BRCA2: variants seen among roughly 807,000 people sequenced by gnomAD.
The protein encoded by BRCA2 is BRCA2 DNA repair associated.
A neutral mutation model predicts 276.7 loss-of-function variants in BRCA2; 203 were observed. The ratio of observed to expected loss-of-function variants is 0.73; its 90% CI spans 0.65 to 0.82. The LOEUF is 0.82. BRCA2 is among the 40% of genes least tolerant of loss of function. The pLI is 0.00. For synonymous variants in BRCA2, 1,289 were observed against 1,338.4 expected (o/e 0.96, Z 0.81); for missense variants, 3,920 against 3,915.0 (o/e 1.00, Z -0.03).
At chr13:32,358,229 A>C (rs950584396) in intron 16 of BRCA2, among the ~76,000 whole-genome samples, 5 of 152,148 alleles carry the variant, frequency 3.3e-5, no homozygotes, top group African/African-American at 4.8e-5. Flanking sequence ...TAATCCCAGC[A>C]CTTTGGGAGG....
chr13:32,333,205 A>G lies in BRCA2; in HGVS notation c.1727A>G (p.Asn576Ser). Residue 576 changes from asparagine to serine, a missense_variant, in exon 10 of 27, where the codon AAT becomes AGT. Asn to Ser is a conservative substitution (Grantham distance 46). Transcript: ENST00000380152. ...TTTQNSVALK[N>S]AGLISTLKKK... ...ACACAGAATTCTGTAGCTTTGAAGA[A>G]TGCAGGTTTAATATCCACTTTGAAA... is the stretch of plus-strand genomic sequence containing the variant. 2 of 1,613,734 alleles carry G rather than the reference A, an allele frequency of 1.2e-6. No individual in the cohort carries two copies. Among genetic ancestry groups the G allele is most frequent in the Non-Finnish European group, 1.7e-6 (2 of 1,179,674 alleles).
Position 32,396,449 on chromosome 13 carries a change from A to G in BRCA2, c.9502-449A>G, listed in dbSNP as rs517118. ...GCAACAGTTTCATGTAGTTTAACCT[A>G]TAAATCATTTCAATTAATTCTTGGA... is the stretch of plus-strand genomic sequence containing the variant. On this transcript the variant is annotated intron_variant, in intron 25 of 26. Transcript: ENST00000380152. Among the ~76,000 whole-genome samples the G allele has an allele frequency of 0.22, 34,153 of 152,220 alleles. 4,310 individuals are homozygous for G. Among genetic ancestry groups the G allele is most frequent in the Middle Eastern group, 0.3 (88 of 294 alleles).
At chr13:32,318,760 C>A (rs2138702641) in intron 2 of BRCA2, among the ~76,000 whole-genome samples, 1 of 152,066 alleles carries the variant, frequency 6.6e-6, no homozygotes, top group East Asian at 1.9e-4. Flanking sequence ...GGAATGTATT[C>A]TTAATGTGAA....
rs1555281614 is a variant in BRCA2 at position 32,332,339 on chromosome 13, G to A, written c.861G>A (p.Met287Ile). ...GCAAAGACCACATTGGAAAGTCAAT[G>A]CCAAATGTCCTAGAAGATGAAGTAT... ...NSCKDHIGKS[M>I]PNVLEDEVYE... is the part of the protein sequence containing the mutation. Residue 287 changes from methionine to isoleucine, a missense_variant, in exon 10 of 27, where the codon ATG (methionine) becomes ATA (isoleucine). By Grantham distance (10) the Met-to-Ile change is conservative (BLOSUM62 1). Transcript: ENST00000380152. The A allele has an allele frequency of 6.2e-7, 1 of 1,600,122 alleles. No individual in the cohort carries two copies. The highest frequency in any genetic ancestry group is 8.5e-7 in the Non-Finnish European group (1 of 1,174,026).
chr13:32,347,224 C>T (rs2072617954), intron 13 of BRCA2, among the ~76,000 whole-genome samples: 2 of 152,128 alleles, frequency 1.3e-5, no homozygotes, highest in South Asian at 2.1e-4. Context: ...TCTCTCCTCT[C>T]TAAACCTTTA....
rs1321719737 is a variant in BRCA2, at chr13:32,371,111, T to TA, written c.8632+11_8632+12insA. On this transcript the variant is annotated intron_variant, in intron 20 of 26. Coordinates refer to ENST00000380152, the MANE Select transcript of BRCA2 (RefSeq NM_000059.4). ...TTGAAGAACATGAAGGTAAAATTAG[T>TA]TATATGGTACACATTGTTATTTCTA... 2 of 1,612,362 alleles carry TA rather than the reference T, an allele frequency of 1.2e-6. No individual in the cohort carries two copies. Among genetic ancestry groups the TA allele is most frequent in the Non-Finnish European group, 1.7e-6 (2 of 1,178,666 alleles).
chr13:32,319,365 C>G (rs2138706156), intron 3 of BRCA2, 40 bp downstream of exon 3: 1 of 1,570,976 alleles, frequency 6.4e-7, no homozygotes, highest in Non-Finnish European at 8.7e-7. Flanking sequence ...GAACTACAAA[C>G]TAGGAATTTA....
chr13:32,362,463 G>C, intron 16 of BRCA2, 60 bp from the exon 17 acceptor site: 1 of 1,492,988 alleles, frequency 6.7e-7, no homozygotes, highest in South Asian at 1.1e-5. Context: ...AGTTGTAGTT[G>C]TTGAATTCAG....
chr13:32,329,302 T>C (rs2072371482), intron 7 of BRCA2, 141 bp from the exon 8 acceptor site: 2 of 621,036 alleles, frequency 3.2e-6, no homozygotes, highest in Admixed American at 2.7e-5. Context: ...CTAATTACTA[T>C]ACTTAAGTAC....
At chr13:32,390,318 G>T (rs1227491539) in intron 24 of BRCA2, among the ~76,000 whole-genome samples, 1 of 152,060 alleles carries the variant, frequency 6.6e-6, no homozygotes, top group African/African-American at 2.4e-5. Context: ...TAGGCTGGGC[G>T]CAGTAGCTAA....
At chr13:32,378,793 T>G (rs890792537) in intron 21 of BRCA2, among the ~76,000 whole-genome samples, 8 of 152,146 alleles carry the variant, frequency 5.3e-5, no homozygotes, top group African/African-American at 1.4e-4. Flanking sequence ...TAAAAGTATG[T>G]TTAGTACATA....
intron 16 of BRCA2, 117 bp downstream of exon 16, chr13:32,358,046 ATTGTT>A: frequency 4.4e-6 from 5 of 1,138,198 alleles, no homozygotes; most frequent in African/African-American, 1.5e-5. Context: ...TATGCATTTA[ATTGTT>A]TTAAGTGCAT....
intron 11 of BRCA2, 84 bp from the exon 12 acceptor site, chr13:32,344,474 C>T (rs908933581): frequency 3.1e-5 from 27 of 860,640 alleles, no homozygotes; most frequent in Non-Finnish European, 4.6e-5. Context: ...AATACTTTAG[C>T]TTTAAAAAAA....
Position 32,344,632 on chromosome 13 carries a change from G to C in BRCA2, c.6916G>C (p.Ala2306Pro), listed in dbSNP as rs730881550. ...AGAAAATCAAGAAAAATCCTTAAAG[G>C]CTTCAAAAAGCACTCCAGATGGTAA... is the stretch of plus-strand genomic sequence containing the variant. ...IIENQEKSLK[A>P]SKSTPDGTIK... is the part of the protein sequence containing the mutation. The change falls in exon 12 of 27, where the codon GCT becomes CCT. Residue 2306 changes from alanine (A) to proline (P), a missense_variant. Coordinates refer to ENST00000380152, the MANE Select transcript of BRCA2 (RefSeq NM_000059.4). 2 of 1,574,804 alleles carry C rather than the reference G, an allele frequency of 1.3e-6. No individual in the cohort carries two copies. Among genetic ancestry groups the C allele is most frequent in the Middle Eastern group, 1.7e-4 (1 of 5,978 alleles).
chr13:32,336,691 T>G lies in BRCA2; in HGVS notation c.2336T>G (p.Leu779Arg). 1.2e-6 allele frequency: 2 copies of G among 1,613,916 alleles called. No individual in the cohort carries two copies. The highest frequency in any genetic ancestry group is 1.7e-6 in the Non-Finnish European group (2 of 1,179,844). ...TTAACTCCTACTTCCAAGGATGTTC[T>G]GTCAAACCTAGTCATGATTTCTAGA... Reference protein sequence around the residue: ...LILTPTSKDVLSNLVMISRGK... With the variant: ...LILTPTSKDVRSNLVMISRGK... Residue 779 changes from leucine (L) to arginine (R), a missense_variant, in exon 11 of 27, where the codon CTG becomes CGG. Physicochemically the swap from Leu to Arg is moderately radical, Grantham distance 102. This residue lies in a region of BRCA2 where 3,263 missense variants were observed against 3,156.9 expected (regional missense o/e 1.03). Transcript: ENST00000380152.
Position 32,356,648 on chromosome 13 carries a change from G to A in BRCA2, c.7617+39G>A, listed in dbSNP as rs190660894. The A allele has an allele frequency of 8.8e-5, 140 of 1,599,462 alleles. No homozygotes were observed. In the African/African-American group the frequency reaches 1.7e-3, roughly 20 times the overall value. ...TACAATACTGATGGCTTTTATGACAGAGTGTAATTTTATTTCATTAACTAG... is the reference window on the plus strand; with the variant it reads ...TACAATACTGATGGCTTTTATGACAAAGTGTAATTTTATTTCATTAACTAG... On this transcript the variant is annotated intron_variant, in intron 15 of 26. Transcript: ENST00000380152.
rs878853565 is a variant in BRCA2 at position 32,337,362 on chromosome 13, C to G, written c.3007C>G (p.His1003Asp). ...WAGLLGPISN[H>D]SFGGSFRTAS... The stretch of plus-strand genomic sequence containing the variant: ...AGGACTCTTAGGTCCAATTTCAAAT[C>G]ACAGTTTTGGAGGTAGCTTCAGAAC... The change falls in exon 11 of 27, where the codon CAC becomes GAC. Residue 1003 changes from histidine (H) to aspartate (D), a missense_variant. Around this residue, in one of 2 missense-constraint regions of BRCA2, gnomAD observed 3,263 missense variants for 3,156.9 expected, o/e 1.03. Coordinates refer to ENST00000380152, the MANE Select transcript of BRCA2 (RefSeq NM_000059.4). The G allele has an allele frequency of 6.2e-7, 1 of 1,613,676 alleles. No homozygotes were observed. Among genetic ancestry groups the G allele is most frequent in the East Asian group, 2.2e-5 (1 of 44,848 alleles).
chr13:32,336,889 C>T lies in BRCA2; in HGVS notation c.2534C>T (p.Pro845Leu), dbSNP rs1288748311. The change falls in exon 11 of 27, where the codon CCT becomes CTT. Residue 845 changes from proline (P) to leucine (L), a missense_variant. Around this residue, in one of 2 missense-constraint regions of BRCA2, gnomAD observed 3,263 missense variants for 3,156.9 expected, o/e 1.03. Coordinates refer to ENST00000380152, the MANE Select transcript of BRCA2 (RefSeq NM_000059.4). The part of the protein sequence containing the change: ...PPEKYMRVAS[P>L]SRKVQFNQNT... ...GAAAAATACATGAGAGTAGCATCAC[C>T]TTCAAGAAAGGTACAATTCAACCAA... 2 of 1,609,754 alleles carry T rather than the reference C, an allele frequency of 1.2e-6. No individual in the cohort carries two copies. The highest frequency in any genetic ancestry group is 2.2e-5 in the East Asian group (1 of 44,842).
At chr13:32,325,761 C>T (rs1003618765) in intron 4 of BRCA2, among the ~76,000 whole-genome samples, 25 of 151,788 alleles carry the variant, frequency 1.6e-4, no homozygotes, top group East Asian at 7.7e-4. Flanking sequence ...AGGATGGTCT[C>T]GATTTCCTGA....
Sources: gnomAD v4.1 joint callset for allele counts (sites outside exome capture counted in the v4.1 genomes callset) on GRCh38, gnomAD v4.1.1 for gene constraint, gnomAD v4.1.1 regional missense constraint, MANE v1.5 for transcripts, NCBI Gene and HGNC (gene_info 2026-07-23, HGNC 2026-07-21) for gene names.